Variants in SPTB observed in about 807,000 individuals in gnomAD.
SPTB encodes the protein spectrin beta, erythrocytic, also known as spectrin beta chain, erythrocytic.
Under a neutral mutation model 256.2 loss-of-function variants are expected in SPTB, and 45 were observed. The observed-to-expected ratio is 0.18, with a 90% CI of 0.14 to 0.23. SPTB has a LOEUF of 0.23. Among genes scored for constraint, SPTB ranks in the 10% least tolerant of loss-of-function variants. SPTB has a pLI of 1.00. For synonymous variants in SPTB, 1,231 were observed against 1,243.1 expected, an observed-to-expected ratio of 0.99 and a Z score of 0.21; for missense variants, 2,715 against 3,040.4, an observed-to-expected ratio of 0.89 and a Z score of 2.52.
rs371637762 is a variant in SPTB at position 64,856,845 on chromosome 14, T to C, written c.-52+22947A>G. Among the ~76,000 whole-genome samples, 36 of 152,348 alleles carry C rather than the reference T, an allele frequency of 2.4e-4. No individual in the cohort carries two copies. In the East Asian group the frequency reaches 2.7e-3, roughly 11 times the overall value. ...TGCTGTTACAGGCCACAAGGAAGGATGGCTCCAGAGAAAACACAAGTGACA... is the reference window on the plus strand; with the variant it reads ...TGCTGTTACAGGCCACAAGGAAGGACGGCTCCAGAGAAAACACAAGTGACA... On this transcript the variant is annotated intron_variant, in intron 1 of 35. Coordinates refer to ENST00000644917, the MANE Select transcript of SPTB (RefSeq NM_001355436.2).
Position 64,845,724 on chromosome 14 carries a change from G to A in SPTB, c.-51-22579C>T, listed in dbSNP as rs1037809635. Among the ~76,000 whole-genome samples, 1 of 152,212 alleles carries A rather than the reference G, an allele frequency of 6.6e-6. No homozygotes were observed. Among genetic ancestry groups the A allele is most frequent in the East Asian group, 1.9e-4 (1 of 5,200 alleles). Reference sequence around the variant, plus strand: ...TTTTAGGGATTAGAAGTTTCCCTGTGTGTTTCCCCAACTTTGTGAAATGAG... The same window carrying A: ...TTTTAGGGATTAGAAGTTTCCCTGTATGTTTCCCCAACTTTGTGAAATGAG... On this transcript the variant is annotated intron_variant, in intron 1 of 35. Transcript: ENST00000644917. This position sits in a 1 kb window ranked among gnomAD's most constrained non-coding sequence, Gnocchi z 4.8.
rs759634959 is a variant in SPTB, at chr14:64,749,505, A to C, written c.6820-32T>G. ...GGCGGAGGGTCACGGTGGAGTCTGG[A>C]GGCCCACAGCCCCCCACCTCCCGGG... On this transcript the variant is annotated intron_variant, in intron 35 of 35. Coordinates refer to ENST00000644917, the MANE Select transcript of SPTB (RefSeq NM_001355436.2). The surrounding 1 kb of genome is among the most constrained non-coding windows in gnomAD (Gnocchi z 4.7). 6.3e-7 allele frequency: 1 copy of C among 1,597,640 alleles called. No individual in the cohort carries two copies. Among genetic ancestry groups the C allele is most frequent in the Non-Finnish European group, 8.5e-7 (1 of 1,177,680 alleles).
At chr14:64,872,074 T>A (rs542893765) in intron 1 of SPTB, among the ~76,000 whole-genome samples, 114 of 152,168 alleles carry the variant, frequency 7.5e-4, no homozygotes, top group Non-Finnish European at 1.3e-3. Flanking sequence ...AATAAAAACA[T>A]CTCCTTTTTG....
chr14:64,750,135 A>G lies in SPTB; in HGVS notation c.6622T>C (p.Cys2208Arg). 6.2e-7 allele frequency: 1 copy of G among 1,613,502 alleles called. No individual in the cohort carries two copies. The highest frequency in any genetic ancestry group is 8.5e-7 in the Non-Finnish European group (1 of 1,179,402). Residue 2208 changes from cysteine (C) to arginine (R), a missense_variant, in exon 34 of 36, where the codon TGT becomes CGT. By Grantham distance (180) the Cys-to-Arg change is radical. This residue lies in a region of SPTB where 2,239 missense variants were observed against 2,384.4 expected (regional missense o/e 0.94). Coordinates refer to ENST00000644917, the MANE Select transcript of SPTB (RefSeq NM_001355436.2). ...GTTAGCTCACTGTTCCTGAGCACAC[A>G]GTACAGGTTGTTCCAGGACCTGCAA... The part of the protein sequence containing the change: ...ASNRSWNNLY[C>R]VLRNSELTFY...
At chr14:64,839,573 T>G (rs1416552258) in intron 1 of SPTB, among the ~76,000 whole-genome samples, 1 of 152,210 alleles carries the variant, frequency 6.6e-6, no homozygotes, top group South Asian at 2.1e-4. Context: ...AATTATGCTT[T>G]GATAGACCTA....
At position 64,805,901 on chromosome 14, in the gene SPTB, C is replaced by G. The variant is rs80224689; in HGVS notation, c.149-811G>C. Among the ~76,000 whole-genome samples, 51 of 152,280 alleles carry G rather than the reference C, an allele frequency of 3.3e-4. 2 individuals are homozygous for G. In the East Asian group the frequency reaches 9.8e-3, roughly 29 times the overall value. On this transcript the variant is annotated intron_variant, in intron 2 of 35. Transcript: ENST00000644917. ...AATGAAGGTTTGGGCTGAGGGCTGT[C>G]TGCGGCTTTACGCTATCTTTCTCAG...
intron 1 of SPTB, among the ~76,000 whole-genome samples, chr14:64,851,851 T>C (rs1019176313): frequency 6.9e-6 from 1 of 145,384 alleles, no homozygotes; most frequent in Non-Finnish European, 1.5e-5. Context: ...CAACACGCAC[T>C]AGGGCCTGTT....
rs750721494 is a variant in SPTB, at chr14:64,785,738, C to T, written c.3764+11G>A. 2.5e-6 allele frequency: 4 copies of T among 1,614,092 alleles called. No homozygotes were observed. On this transcript the variant is annotated intron_variant, in intron 17 of 35. Coordinates refer to ENST00000644917, the MANE Select transcript of SPTB (RefSeq NM_001355436.2). This position sits in a 1 kb window ranked among gnomAD's most constrained non-coding sequence, Gnocchi z 4.4. ...CTCTGGGGGCCTCGTGGCCCTGGGG[C>T]CCGGGAGTACCTGTCCTCAATCAGC...
chr14:64,876,873 C>T (rs1391347441), intron 1 of SPTB, among the ~76,000 whole-genome samples: 1 of 152,128 alleles, frequency 6.6e-6, no homozygotes, highest in Non-Finnish European at 1.5e-5. Context: ...ACCATATTGG[C>T]CTTGAGAGTG....
intron 32 of SPTB, among the ~76,000 whole-genome samples, chr14:64,763,108 A>G (rs1290824812): frequency 6.6e-6 from 1 of 152,176 alleles, no homozygotes; most frequent in Non-Finnish European, 1.5e-5. Flanking sequence ...TTTCTTCTCC[A>G]TGCAATCCAC....
chr14:64,799,172 TG>T (rs1382062028), intron 9 of SPTB, among the ~76,000 whole-genome samples: 1 of 152,254 alleles, frequency 6.6e-6, no homozygotes, highest in Non-Finnish European at 1.5e-5. Context: ...CATGGTTATG[TG>T]TATGCAGGTA....
In SPTB at chr14:64,752,384, AGAAACTG is replaced by A. The variant is rs1566732257; in HGVS notation, c.6602+1146_6602+1152del. The A allele has an allele frequency of 1.1e-5, 7 of 657,636 alleles. No individual in the cohort carries two copies. The African/African-American group carries it at 1.1e-4, about 11-fold the overall frequency. The allele number at this position is 657,636 out of a possible 1,614,324, so 40.7% of individuals were successfully genotyped here. A position where few individuals can be genotyped will look rare whatever the true frequency, so the allele number is the denominator to read the frequency against. ...GAGGAAGTTCTGGAAGGTCAGAGAG[AGAAACTG>A]ACCCATACAAAGCTGGCTGCAAAGC... On this transcript the variant is annotated intron_variant, in intron 33 of 35. Transcript: ENST00000644917.
intron 2 of SPTB, among the ~76,000 whole-genome samples, chr14:64,808,654 C>T (rs188084665): frequency 2.0e-5 from 3 of 152,072 alleles, no homozygotes; most frequent in Admixed American, 2.0e-4. Context: ...GCTGCAGGGG[C>T]GTTGGGCAGC....
intron 3 of SPTB, among the ~76,000 whole-genome samples, chr14:64,804,614 G>C (rs1411828264): frequency 1.3e-5 from 2 of 152,202 alleles, no homozygotes; most frequent in African/African-American, 4.8e-5. Flanking sequence ...GGTTCCAAGA[G>C]GGATGCATCT....
At chr14:64,854,796 T>G (rs10144554) in intron 1 of SPTB, among the ~76,000 whole-genome samples, 121,645 of 152,090 alleles carry the variant, frequency 0.8, 50,334 homozygotes, top group Non-Finnish European at 0.91. Context: ...GGCCTTGCCC[T>G]TCATTGAGGG....
chr14:64,794,351 T>C (rs878966421), intron 13 of SPTB, 116 bp downstream of exon 13: 1 of 1,387,736 alleles, frequency 7.2e-7, no homozygotes. Context: ...CATTACTTGA[T>C]GAAAGTAACA....
chr14:64,763,040 G>A (rs963919932), intron 32 of SPTB, among the ~76,000 whole-genome samples: 7 of 152,198 alleles, frequency 4.6e-5, no homozygotes, highest in Admixed American at 3.3e-4. Context: ...AGGAAGATGC[G>A]CAGGGCTGTG....
chr14:64,765,876 GA>G (rs2082166492), intron 32 of SPTB, among the ~76,000 whole-genome samples: 1 of 142,562 alleles, frequency 7.0e-6, no homozygotes, highest in African/African-American at 2.7e-5. Context: ...TGTGTGTGTG[GA>G]GGTTGCGGTG....
intron 1 of SPTB, among the ~76,000 whole-genome samples, chr14:64,839,199 T>C (rs940462024): frequency 6.6e-6 from 1 of 152,190 alleles, no homozygotes; most frequent in African/African-American, 2.4e-5. Flanking sequence ...TTGGAAACAA[T>C]AGATAAACCG....
Sources: gnomAD v4.1 joint callset for allele counts (sites outside exome capture counted in the v4.1 genomes callset) on GRCh38, gnomAD v4.1.1 for gene constraint, gnomAD v4.1.1 regional missense constraint, Gnocchi (gnomAD v3.1) non-coding constraint, MANE v1.5 for transcripts, NCBI Gene and HGNC (gene_info 2026-07-23, HGNC 2026-07-21) for gene names.